Variants in THADA observed in about 807,000 individuals in gnomAD.
THADA encodes THADA armadillo repeat containing, also known as tRNA (32-2'-O)-methyltransferase regulator THADA.
THADA carries 213 observed loss-of-function variants against 219.8 expected under a neutral mutation model. The observed-to-expected ratio is 0.97, with a 90% CI of 0.87 to 1.09. The LOEUF is 1.09. Among genes scored for constraint, THADA ranks in the 50% least tolerant of loss-of-function variants. THADA has a pLI of 0.00. For missense variants in THADA, 2,956 were observed against 2,311.3 expected (o/e 1.28, Z -5.72); for synonymous variants, 1,018 against 828.9 (o/e 1.23, Z -3.92).
At chr2:43,430,539 A>G (rs907908091) in intron 26 of THADA, 1 of 527,264 alleles carries the variant, frequency 1.9e-6, no homozygotes, top group Admixed American at 2.6e-5. Flanking sequence ...ATGTATGTTT[A>G]CAAATATTTG....
chr2:43,543,796 G>A (rs1382723026), intron 20 of THADA, among the ~76,000 whole-genome samples: 7 of 152,032 alleles, frequency 4.6e-5, no homozygotes, highest in Admixed American at 6.6e-5. Context: ...AGTAGGTTGC[G>A]AAAATTTTCT....
intron 24 of THADA, among the ~76,000 whole-genome samples, chr2:43,500,674 T>G (rs2105067446): frequency 1.3e-5 from 2 of 152,310 alleles, no homozygotes; most frequent in South Asian, 4.1e-4. Context: ...AACATAAGGA[T>G]GCCTGCTATC....
intron 24 of THADA, among the ~76,000 whole-genome samples, chr2:43,500,257 GAGA>G (rs1475430598): frequency 1.2e-4 from 18 of 152,224 alleles, no homozygotes; most frequent in Admixed American, 1.2e-3. Context: ...TACTCTTGGA[GAGA>G]AGGATGTGGA....
intron 26 of THADA, among the ~76,000 whole-genome samples, chr2:43,458,520 T>C (rs938964185): frequency 6.6e-6 from 1 of 152,158 alleles, no homozygotes; most frequent in African/African-American, 2.4e-5. Context: ...AGATAAGAGA[T>C]CTGCAAGTAC....
Position 43,292,981 on chromosome 2 carries a change from G to A in THADA, c.4671C>T (p.Arg1557=). 1 of 1,614,024 alleles carries A rather than the reference G, an allele frequency of 6.2e-7. No homozygotes were observed. Among genetic ancestry groups the A allele is most frequent in the Non-Finnish European group, 8.5e-7 (1 of 1,179,900 alleles). The part of the protein sequence containing the change: ...QLLESAFPEV[R]SLTLEALLEK... ...CCAAGAGGGCTTCCAGTGTTAGTGA[G>A]CGCACTTCAGGGAAGGCAGATTCTA... Residue 1557 remains arginine, a synonymous_variant, in exon 32 of 38, where the codon CGC becomes CGT. Transcript: ENST00000405975.
chr2:43,482,485 C>A (rs1686348664), intron 26 of THADA, among the ~76,000 whole-genome samples: 1 of 152,054 alleles, frequency 6.6e-6, no homozygotes, highest in South Asian at 2.1e-4. Flanking sequence ...AAAGAAAAGA[C>A]CTCAGGAATA....
At chr2:43,404,023 T>C (rs183342294) in intron 28 of THADA, among the ~76,000 whole-genome samples, 89 of 152,338 alleles carry the variant, frequency 5.8e-4, no homozygotes, top group African/African-American at 2.0e-3. Flanking sequence ...CTCTGGATTA[T>C]ACTACCTTCA....
At chr2:43,249,395 T>C (rs2104121646) in intron 36 of THADA, among the ~76,000 whole-genome samples, 1 of 152,258 alleles carries the variant, frequency 6.6e-6, no homozygotes, top group African/African-American at 2.4e-5. Flanking sequence ...CCAATGATGG[T>C]AGCTTTCTAA....
chr2:43,251,467 C>G (rs1669799020), intron 36 of THADA, among the ~76,000 whole-genome samples: 1 of 152,218 alleles, frequency 6.6e-6, no homozygotes, highest in African/African-American at 2.4e-5. Context: ...TCCTTTAAAC[C>G]CATTTGTTGC....
At chr2:43,330,619 G>A (rs774811973) in intron 30 of THADA, among the ~76,000 whole-genome samples, 30 of 152,332 alleles carry the variant, frequency 2.0e-4, no homozygotes, top group Non-Finnish European at 4.0e-4. Flanking sequence ...CTGGAAAACA[G>A]CTGTGTGACC....
Position 43,592,550 on chromosome 2 carries a change from C to G in THADA, c.-24-134G>C, listed in dbSNP as rs1268934214. On this transcript the variant is annotated intron_variant, in intron 1 of 37. Coordinates refer to ENST00000405975, the MANE Select transcript of THADA (RefSeq NM_022065.5). ...TTTCATGCATCCCCATCTCTACCCA[C>G]TAGATGCCAGTGGCACCCTCCTCCC... is the stretch of plus-strand genomic sequence containing the variant. 5.9e-6 allele frequency: 3 copies of G among 509,592 alleles called. No homozygotes were observed. The African/African-American group carries it at 6.0e-5, about 10-fold the overall frequency. 31.6% of individuals were successfully genotyped at this position (509,592 alleles called of 1,614,324 possible). A position where few individuals can be genotyped will look rare whatever the true frequency, so the allele number is the denominator to read the frequency against.
chr2:43,557,529 A>T (rs573852099), intron 16 of THADA, among the ~76,000 whole-genome samples: 1 of 152,350 alleles, frequency 6.6e-6, no homozygotes, highest in African/African-American at 2.4e-5. Context: ...ATTCAGCCTC[A>T]GAAATTATGC....
intron 26 of THADA, among the ~76,000 whole-genome samples, chr2:43,476,982 T>C (rs1472782640): frequency 2.0e-5 from 3 of 152,240 alleles, no homozygotes; most frequent in African/African-American, 7.2e-5. Context: ...TTCAAATGTA[T>C]TGACTACCTA....
At chr2:43,392,791 C>T (rs952543284) in intron 29 of THADA, among the ~76,000 whole-genome samples, 1 of 152,160 alleles carries the variant, frequency 6.6e-6, no homozygotes, top group Non-Finnish European at 1.5e-5. Flanking sequence ...CTCATATGAT[C>T]CCTGGTCCCC....
chr2:43,352,499 G>A (rs1446595971), intron 29 of THADA, among the ~76,000 whole-genome samples: 11 of 151,788 alleles, frequency 7.2e-5, no homozygotes, highest in Admixed American at 5.2e-4. Flanking sequence ...TGGAGGTTGC[G>A]GTGAGCAGAG....
chr2:43,506,163 G>A (rs1024518436), intron 23 of THADA, among the ~76,000 whole-genome samples: 2 of 152,200 alleles, frequency 1.3e-5, no homozygotes, highest in African/African-American at 4.8e-5. Context: ...TTGTAAGAAT[G>A]TTAAGCCTCC....
chr2:43,483,045 T>C (rs1686425227), intron 26 of THADA, among the ~76,000 whole-genome samples: 1 of 152,104 alleles, frequency 6.6e-6, no homozygotes, highest in Non-Finnish European at 1.5e-5. Context: ...TTATTTCCCA[T>C]TAGATGGAAA....
intron 26 of THADA, chr2:43,484,253 A>C (rs998769): frequency 0.012 from 2,044 of 165,724 alleles, 104 homozygotes; most frequent in Admixed American, 0.098. Context: ...GTTTCATTAG[A>C]ATTATCACTA....
chr2:43,531,506 T>C (rs1693866756), intron 21 of THADA, among the ~76,000 whole-genome samples: 1 of 152,176 alleles, frequency 6.6e-6, no homozygotes, highest in Admixed American at 6.5e-5. Context: ...TACAAATGAC[T>C]AGTGGGCTTG....
Sources: gnomAD v4.1 joint callset for allele counts (sites outside exome capture counted in the v4.1 genomes callset) on GRCh38, gnomAD v4.1.1 for gene constraint, MANE v1.5 for transcripts, NCBI Gene and HGNC (gene_info 2026-07-23, HGNC 2026-07-21) for gene names.